ZNF587: variants seen among roughly 807,000 people sequenced by gnomAD.
ZNF587 encodes the protein zinc finger protein 587.
Under a neutral mutation model 7.5 loss-of-function variants are expected in ZNF587, and 8 were observed. The observed-to-expected ratio is 1.06, with a 90% CI of 0.62 to 1.92. The LOEUF is 1.92. Among genes scored for constraint, ZNF587 ranks in the 40% most tolerant of loss-of-function variants. ZNF587 has a pLI of 0.00. For missense variants in ZNF587, 468 were observed against 692.8 expected (o/e 0.68, Z 3.64); for synonymous variants, 145 against 237.8 (o/e 0.61, Z 3.59).
In ZNF587 at chr19:57,862,232, T is replaced by C. The variant is rs1233931175; in HGVS notation, c.*2092T>C. 6.6e-6 allele frequency: 1 copy of C among 152,300 alleles called. No homozygotes were observed. Among genetic ancestry groups the C allele is most frequent in the East Asian group, 1.9e-4 (1 of 5,182 alleles). The allele number at this position is 152,300 out of a possible 1,614,324, so 9.4% of individuals were successfully genotyped here. On this transcript the variant is annotated 3_prime_UTR_variant, in exon 3 of 3. Coordinates refer to ENST00000339656, the MANE Select transcript of ZNF587 (RefSeq NM_032828.4). ...TTTCAACATCTTTCTAAGATTACCT[T>C]ACTATTTCTTTTGTTCCAAGTTTGT...
intron 1 of ZNF587, among the ~76,000 whole-genome samples, chr19:57,852,573 C>G (rs1478031158): frequency 6.8e-6 from 1 of 146,734 alleles, no homozygotes; most frequent in Non-Finnish European, 1.5e-5. Flanking sequence ...GTTGCCCAGG[C>G]TGGAGTGCAA....
intron 1 of ZNF587, among the ~76,000 whole-genome samples, chr19:57,853,450 A>G (rs2071308834): frequency 6.6e-6 from 1 of 152,212 alleles, no homozygotes; most frequent in Non-Finnish European, 1.5e-5. Flanking sequence ...ATGATTAGTT[A>G]TGGGTCCATT....
rs146777574 is a variant in ZNF587, at chr19:57,850,763, A to G, written c.33+692A>G. 2,853 of 393,506 alleles carry G rather than the reference A, an allele frequency of 7.3e-3. 22 individuals are homozygous for G. Among genetic ancestry groups the G allele is most frequent in the Middle Eastern group, 0.012 (19 of 1,564 alleles). The allele number at this position is 393,506 out of a possible 1,614,324, so 24.4% of individuals were successfully genotyped here. On this transcript the variant is annotated intron_variant, in intron 1 of 2. Coordinates refer to ENST00000339656, the MANE Select transcript of ZNF587 (RefSeq NM_032828.4). ...GCTCCACCCAGTTTATTGGTTTACAAGCTCTTTGTTCTTATGGCTGATTGG... is the reference window on the plus strand; with the variant it reads ...GCTCCACCCAGTTTATTGGTTTACAGGCTCTTTGTTCTTATGGCTGATTGG...
chr19:57,862,219 T>C lies in ZNF587; in HGVS notation c.*2079T>C, dbSNP rs1275400656. 6.6e-6 allele frequency: 1 copy of C among 152,214 alleles called. No individual in the cohort carries two copies. Among genetic ancestry groups the C allele is most frequent in the African/African-American group, 2.4e-5 (1 of 41,442 alleles). The allele number at this position is 152,214 out of a possible 1,614,324, so 9.4% of individuals were successfully genotyped here. A position where few individuals can be genotyped will look rare whatever the true frequency, so the allele number is the denominator to read the frequency against. On this transcript the variant is annotated 3_prime_UTR_variant, in exon 3 of 3. Transcript: ENST00000339656. ...ACCATAGCTTTCTTTTCAACATCTT[T>C]CTAAGATTACCTTACTATTTCTTTT...
rs1236774416 is a variant in ZNF587, at chr19:57,853,177, T to G, written c.34-2927T>G. ...AGACAGCTAGATTTTCTAATGTGGA[T>G]GATAGGAGCATGAAAGAGGAATCGG... On this transcript the variant is annotated intron_variant, in intron 1 of 2. Coordinates refer to ENST00000339656, the MANE Select transcript of ZNF587 (RefSeq NM_032828.4). Among the ~76,000 whole-genome samples the G allele has an allele frequency of 3.9e-5, 6 of 152,280 alleles. No homozygotes were observed. In the East Asian group the frequency reaches 1.2e-3, roughly 29 times the overall value.
rs1008995735 is a variant in ZNF587, at chr19:57,862,948, T to TTGAG, written c.*2811_*2814dup. The TTGAG allele has an allele frequency of 1.3e-5, 2 of 154,928 alleles. No homozygotes were observed. Among genetic ancestry groups the TTGAG allele is most frequent in the African/African-American group, 4.8e-5 (2 of 41,512 alleles). The allele number at this position is 154,928 out of a possible 1,614,324, so 9.6% of individuals were successfully genotyped here. The stretch of plus-strand genomic sequence containing the variant: ...ATGAAGACAGTTTCAAGCAAAGTTA[T>TTGAG]TGAGTGGACACTTTGTGTTTTTTTT... On this transcript the variant is annotated 3_prime_UTR_variant, in exon 3 of 3. Coordinates refer to ENST00000339656, the MANE Select transcript of ZNF587 (RefSeq NM_032828.4).
At chr19:57,855,955 C>A (rs2071349910) in intron 1 of ZNF587, 149 bp from the exon 2 acceptor site, 2 of 1,365,700 alleles carry the variant, frequency 1.5e-6, no homozygotes, top group Non-Finnish European at 2.0e-6. Flanking sequence ...CCAGCAGGCC[C>A]ATGAAGAGAC....
intron 1 of ZNF587, chr19:57,850,562 C>A (rs1369114913): frequency 2.4e-6 from 1 of 414,108 alleles, no homozygotes; most frequent in African/African-American, 2.0e-5. Context: ...AGTGCAGGAT[C>A]TGCAAAATGC....
At chr19:57,855,942 TGACCAGCA>T (rs1448312364) in intron 1 of ZNF587, 154 bp from the exon 2 acceptor site, 1 of 1,258,886 alleles carries the variant, frequency 7.9e-7, no homozygotes, top group Non-Finnish European at 1.1e-6. Flanking sequence ...TGATGGCATT[TGACCAGCA>T]GGCCCATGAA....
At chr19:57,855,673 G>C (rs1291467020) in intron 1 of ZNF587, among the ~76,000 whole-genome samples, 1 of 150,546 alleles carries the variant, frequency 6.6e-6, no homozygotes, top group Non-Finnish European at 1.5e-5. Context: ...GCCATTCTCC[G>C]GCCTCAGCCT....
chr19:57,852,048 C>T (rs1359685491), intron 1 of ZNF587: 1 of 305,666 alleles, frequency 3.3e-6, no homozygotes, highest in African/African-American at 2.1e-5. Flanking sequence ...CTTAGGGAAC[C>T]CACACAGGGA....
intron 2 of ZNF587, among the ~76,000 whole-genome samples, chr19:57,857,852 T>G (rs1377018859): frequency 6.6e-6 from 1 of 151,852 alleles, no homozygotes; most frequent in Non-Finnish European, 1.5e-5. Context: ...GCCAGGCTGG[T>G]CTCGAACTCC....
rs2071473828 is a variant in ZNF587 at position 57,864,079 on chromosome 19, TTTATAAC to T, written c.*3942_*3948del. 1.3e-5 allele frequency: 2 copies of T among 151,136 alleles called. No homozygotes were observed. Among genetic ancestry groups the T allele is most frequent in the Non-Finnish European group, 2.9e-5 (2 of 67,864 alleles). 9.4% of individuals were successfully genotyped at this position (151,136 alleles called of 1,614,324 possible). Reference sequence around the variant, plus strand: ...AAAACTCAATCCATAAATGTTATACTTTATAACTTTATAACAGCATGTTATATGGGCT... The same window carrying T: ...AAAACTCAATCCATAAATGTTATACTTTTATAACAGCATGTTATATGGGCT... On this transcript the variant is annotated 3_prime_UTR_variant, in exon 3 of 3. Coordinates refer to ENST00000339656, the MANE Select transcript of ZNF587 (RefSeq NM_032828.4).
intron 2 of ZNF587, among the ~76,000 whole-genome samples, chr19:57,857,774 A>G (rs757869526): frequency 9.9e-5 from 15 of 151,794 alleles, no homozygotes; most frequent in Non-Finnish European, 1.9e-4. Flanking sequence ...AGCTGGGATT[A>G]CAGGCACATG....
intron 1 of ZNF587, among the ~76,000 whole-genome samples, chr19:57,854,509 G>A (rs1324038024): frequency 6.6e-6 from 1 of 151,826 alleles, no homozygotes; most frequent in Admixed American, 6.6e-5. Flanking sequence ...TTGACATCTT[G>A]TGAAAGTGGG....
intron 1 of ZNF587, among the ~76,000 whole-genome samples, chr19:57,854,313 T>C (rs980888098): frequency 6.6e-6 from 1 of 151,796 alleles, no homozygotes; most frequent in African/African-American, 2.4e-5. Context: ...CCATATGTGG[T>C]TCTGTGTGGC....
At chr19:57,853,777 T>TG (rs1402090764) in intron 1 of ZNF587, 2 of 147,882 alleles carry the variant, frequency 1.4e-5, no homozygotes, top group Non-Finnish European at 3.0e-5. Flanking sequence ...TTTTTTCAGA[T>TG]GGAGTTTCGC....
At chr19:57,850,140 C>T (rs1028044232) in intron 1 of ZNF587, 69 bp downstream of exon 1, 2 of 1,613,566 alleles carry the variant, frequency 1.2e-6, no homozygotes, top group Non-Finnish European at 1.7e-6. Flanking sequence ...AGCGAGGGAG[C>T]GGCTCCTGCT....
At chr19:57,856,509 G>A (rs1419439838) in intron 2 of ZNF587, among the ~76,000 whole-genome samples, 2 of 151,456 alleles carry the variant, frequency 1.3e-5, no homozygotes, top group Non-Finnish European at 2.9e-5. Flanking sequence ...CCGGGTTCAT[G>A]CCGTTCTCCT....
Sources: gnomAD v4.1 joint callset for allele counts (sites outside exome capture counted in the v4.1 genomes callset) on GRCh38, gnomAD v4.1.1 for gene constraint, MANE v1.5 for transcripts, NCBI Gene and HGNC (gene_info 2026-07-23, HGNC 2026-07-21) for gene names.